PIGK: variants seen among roughly 807,000 people sequenced by gnomAD.
PIGK encodes the protein phosphatidylinositol glycan anchor biosynthesis class K, also known as GPI-anchor transamidase.
Under a neutral mutation model 50.6 loss-of-function variants are expected in PIGK, and 42 were observed. The ratio of observed to expected loss-of-function variants is 0.83; its 90% CI spans 0.65 to 1.07. The LOEUF is 1.07. Ranked by LOEUF, PIGK falls within the 50% of genes least tolerant of loss-of-function variation. PIGK has a pLI of 0.00. For synonymous variants in PIGK, 151 were observed against 156.0 expected, an observed-to-expected ratio of 0.97 and a Z score of 0.24; for missense variants, 448 against 488.7, an observed-to-expected ratio of 0.92 and a Z score of 0.78.
chr1:77,168,432 C>A (rs1655280183), intron 4 of PIGK, among the ~76,000 whole-genome samples: 1 of 151,928 alleles, frequency 6.6e-6, no homozygotes, highest in Non-Finnish European at 1.5e-5. Flanking sequence ...TGTTGGCCAA[C>A]AAGGAAGGAA....
At chr1:77,195,151 G>A in intron 3 of PIGK, 1 of 1,231,510 alleles carries the variant, frequency 8.1e-7, no homozygotes, top group Non-Finnish European at 1.2e-6. Flanking sequence ...GAATATCATT[G>A]CCAATGAGAT....
At chr1:77,166,503 T>C (rs1655237609) in intron 5 of PIGK, among the ~76,000 whole-genome samples, 3 of 151,860 alleles carry the variant, frequency 2.0e-5, no homozygotes, top group African/African-American at 2.4e-5. Context: ...AAGTCAATAG[T>C]AAAAAAATAT....
intron 9 of PIGK, among the ~76,000 whole-genome samples, chr1:77,146,796 A>G (rs1654779112): frequency 6.9e-6 from 1 of 145,100 alleles, no homozygotes; most frequent in African/African-American, 2.5e-5. Context: ...GACTCTGTCT[A>G]AAAAAAAAAA....
intron 9 of PIGK, among the ~76,000 whole-genome samples, chr1:77,122,943 G>A (rs1349279439): frequency 6.6e-6 from 1 of 152,014 alleles, no homozygotes; most frequent in African/African-American, 2.4e-5. Flanking sequence ...TGAAACCCAT[G>A]TCTTCTTCTT....
chr1:77,143,275 T>C (rs1483961698), intron 9 of PIGK, among the ~76,000 whole-genome samples: 1 of 152,154 alleles, frequency 6.6e-6, no homozygotes, highest in Admixed American at 6.5e-5. Flanking sequence ...AAGTATTTAA[T>C]AACATGGAAA....
chr1:77,166,485 A>C (rs77690230), intron 5 of PIGK, among the ~76,000 whole-genome samples: 2,059 of 148,678 alleles, frequency 0.014, 47 homozygotes, highest in African/African-American at 0.048. Flanking sequence ...AAAGGTGCTA[A>C]GTTTACCAAG....
rs564294540 is a variant in PIGK, at chr1:77,099,871, T to C, written c.1072-7381A>G. Among the ~76,000 whole-genome samples the C allele has an allele frequency of 5.9e-5, 9 of 152,282 alleles. No homozygotes were observed. In the South Asian group the frequency reaches 1.0e-3, roughly 18 times the overall value. On this transcript the variant is annotated intron_variant, in intron 10 of 10. Coordinates refer to ENST00000370812, the MANE Select transcript of PIGK (RefSeq NM_005482.3). ...AAATGCACTCCTCTTTTTTTAAACTTTCACAATAAGTTACAATACAAAGGT... is the reference window on the plus strand; with the variant it reads ...AAATGCACTCCTCTTTTTTTAAACTCTCACAATAAGTTACAATACAAAGGT...
chr1:77,145,928 G>A (rs1199170681), intron 9 of PIGK, among the ~76,000 whole-genome samples: 1 of 152,056 alleles, frequency 6.6e-6, no homozygotes, highest in Non-Finnish European at 1.5e-5. Flanking sequence ...ATAATTCAAT[G>A]AGGAATAAAT....
intron 10 of PIGK, among the ~76,000 whole-genome samples, chr1:77,104,957 C>T (rs998279161): frequency 1.8e-4 from 28 of 152,138 alleles, no homozygotes; most frequent in African/African-American, 5.8e-4. Context: ...CATGGAGCAA[C>T]GGGGCGACTT....
chr1:77,117,732 C>T (rs1181094719), intron 10 of PIGK, among the ~76,000 whole-genome samples: 1 of 152,214 alleles, frequency 6.6e-6, no homozygotes, highest in Non-Finnish European at 1.5e-5. Flanking sequence ...TTACCACTCT[C>T]ATCTGTCATT....
intron 9 of PIGK, among the ~76,000 whole-genome samples, chr1:77,152,765 T>C (rs55650169): frequency 0.037 from 5,656 of 151,984 alleles, 204 homozygotes; most frequent in South Asian, 0.21. Context: ...AACAGGTATA[T>C]GAAAAAATGC....
intron 5 of PIGK, among the ~76,000 whole-genome samples, chr1:77,164,872 G>A (rs769922978): frequency 4.6e-5 from 7 of 152,082 alleles, no homozygotes; most frequent in South Asian, 2.1e-4. Flanking sequence ...ACTGCCTGAC[G>A]TATACTATGC....
At chr1:77,167,165 A>T (rs1214130665) in intron 4 of PIGK, among the ~76,000 whole-genome samples, 2 of 152,058 alleles carry the variant, frequency 1.3e-5, no homozygotes, top group Non-Finnish European at 2.9e-5. Flanking sequence ...ACATAGTGAG[A>T]CCCCATTTCT....
chr1:77,103,336 G>A (rs1336237968), intron 10 of PIGK, among the ~76,000 whole-genome samples: 1 of 152,038 alleles, frequency 6.6e-6, no homozygotes, highest in African/African-American at 2.4e-5. Flanking sequence ...GTATTTTTTA[G>A]TTCTTAACTG....
At chr1:77,143,977 A>G (rs933679560) in intron 9 of PIGK, among the ~76,000 whole-genome samples, 7 of 152,186 alleles carry the variant, frequency 4.6e-5, no homozygotes, top group Non-Finnish European at 8.8e-5. Flanking sequence ...CAAAATAAAA[A>G]TTACTTTAAT....
chr1:77,166,833 A>G lies in PIGK; in HGVS notation c.376-3T>C, dbSNP rs779445359. The G allele has an allele frequency of 5.8e-6, 8 of 1,373,530 alleles. No homozygotes were observed. The South Asian group carries it at 6.2e-5, about 11-fold the overall frequency. The allele number at this position is 1,373,530 out of a possible 1,614,324, so 85.1% of individuals were successfully genotyped here. ...CGTAAAAAATTCTCCACAGTTACCTAAGGGGGAAAAAACAAGAAAAATCAG... is the reference window on the plus strand; with the variant it reads ...CGTAAAAAATTCTCCACAGTTACCTGAGGGGGAAAAAACAAGAAAAATCAG... On this transcript the variant is annotated splice_polypyrimidine_tract_variant and splice_region_variant and intron_variant, in intron 4 of 10. Transcript: ENST00000370812.
chr1:77,111,862 A>G (rs1209264365), intron 10 of PIGK, among the ~76,000 whole-genome samples: 1 of 152,172 alleles, frequency 6.6e-6, no homozygotes, highest in Non-Finnish European at 1.5e-5. Flanking sequence ...ACCTTAGTAA[A>G]TCAAAACTAG....
intron 3 of PIGK, among the ~76,000 whole-genome samples, chr1:77,179,884 A>C (rs1655573314): frequency 6.6e-6 from 1 of 152,188 alleles, no homozygotes; most frequent in Admixed American, 6.5e-5. Flanking sequence ...TTTGCCAATA[A>C]ACATTCTTTG....
chr1:77,183,736 T>C (rs1655674823), intron 3 of PIGK, among the ~76,000 whole-genome samples: 2 of 152,122 alleles, frequency 1.3e-5, no homozygotes, highest in Admixed American at 1.3e-4. Flanking sequence ...GTTCTAATCG[T>C]TTATTTGCTT....
Sources: allele counts gnomAD v4.1 joint callset (sites outside exome capture counted in the v4.1 genomes callset), GRCh38; gene constraint gnomAD v4.1.1; transcripts MANE v1.5; gene names NCBI Gene and HGNC (gene_info 2026-07-23, HGNC 2026-07-21).